MED24: variants seen among roughly 807,000 people sequenced by gnomAD.
MED24 encodes the protein mediator complex subunit 24.
In MED24, 74 loss-of-function variants were observed where a neutral mutation model predicts 118.8. The observed-to-expected ratio is 0.62, with a 90% CI of 0.52 to 0.76. The LOEUF (loss-of-function observed/expected upper bound fraction) is 0.76, where lower values mean the gene tolerates loss of function less well. Ranked by LOEUF, MED24 falls within the 30% of genes least tolerant of loss-of-function variation. MED24 has a pLI of 0.00. For synonymous variants in MED24, 521 were observed against 523.9 expected, an observed-to-expected ratio of 0.99 and a Z score of 0.08; for missense variants, 1,041 against 1,278.9, an observed-to-expected ratio of 0.81 and a Z score of 2.84.
chr17:40,035,909 C>T (rs1983882406), intron 4 of MED24, 114 bp from the exon 5 acceptor site: 2 of 1,154,592 alleles, frequency 1.7e-6, no homozygotes, highest in African/African-American at 1.5e-5. Flanking sequence ...CCCTGGGTTC[C>T]AGACTCAGCA....
At position 40,019,945 on chromosome 17, in the gene MED24, G is replaced by C. The variant is rs189752671; in HGVS notation, c.2705-12C>G. 17 of 1,559,098 alleles carry C rather than the reference G, an allele frequency of 1.1e-5. No individual in the cohort carries two copies. The highest frequency in any genetic ancestry group is 4.7e-5 in the South Asian group (4 of 84,654). The stretch of plus-strand genomic sequence containing the variant: ...CAGGAACAGGTTGGCTGTAGAGAGT[G>C]GGGGGAGAGTGACAGGAGGGAGTTC... On this transcript the variant is annotated splice_polypyrimidine_tract_variant and intron_variant, in intron 24 of 25. Coordinates refer to ENST00000394128, the MANE Select transcript of MED24 (RefSeq NM_014815.4).
chr17:40,022,564 CCA>C (rs1982160844), intron 21 of MED24, 79 bp downstream of exon 21: 1 of 1,599,732 alleles, frequency 6.3e-7, no homozygotes, highest in African/African-American at 1.3e-5. Context: ...TCCCCAAAGC[CCA>C]GTCTCCCAGG....
chr17:40,028,020 G>A, intron 14 of MED24, 74 bp from the exon 15 acceptor site: 1 of 1,446,826 alleles, frequency 6.9e-7, no homozygotes, highest in Non-Finnish European at 9.7e-7. Flanking sequence ...GGCTACACAT[G>A]TTCAGAGAGC....
chr17:40,033,511 C>A lies in MED24; in HGVS notation c.560-55G>T. 6.9e-7 allele frequency: 1 copy of A among 1,456,434 alleles called. No homozygotes were observed. Among genetic ancestry groups the A allele is most frequent in the East Asian group, 2.5e-5 (1 of 40,544 alleles). 90.2% of individuals were successfully genotyped at this position (1,456,434 alleles called of 1,614,324 possible). A position where few individuals can be genotyped will look rare whatever the true frequency, so the allele number is the denominator to read the frequency against. ...GATGGGAAACAGGAGAGAAGGAGCA[C>A]CTGGCCCTGAACTCCTCGATTTTGG... On this transcript the variant is annotated intron_variant, in intron 6 of 25. Transcript: ENST00000394128. This position sits in a 1 kb window ranked among gnomAD's most constrained non-coding sequence, Gnocchi z 5.2.
intron 22 of MED24, 25 bp from the exon 23 acceptor site, chr17:40,022,079 A>G: frequency 6.5e-7 from 1 of 1,529,872 alleles, no homozygotes; most frequent in Non-Finnish European, 8.9e-7. Flanking sequence ...AGTCACTGTT[A>G]TACACCCCTA....
intron 3 of MED24, among the ~76,000 whole-genome samples, chr17:40,045,900 C>A (rs1985121522): frequency 6.6e-6 from 1 of 152,114 alleles, no homozygotes; most frequent in South Asian, 2.1e-4. Context: ...GCCTCAGCCT[C>A]CCGAGTAGCT....
chr17:40,019,950 G>GA lies in MED24; in HGVS notation c.2705-18dup. 3 of 1,557,946 alleles carry GA rather than the reference G, an allele frequency of 1.9e-6. No individual in the cohort carries two copies. Among genetic ancestry groups the GA allele is most frequent in the Admixed American group, 1.9e-5 (1 of 51,660 alleles). ...ACAGGTTGGCTGTAGAGAGTGGGGG[G>GA]AGAGTGACAGGAGGGAGTTCCATGA... On this transcript the variant is annotated splice_polypyrimidine_tract_variant and intron_variant, in intron 24 of 25. Coordinates refer to ENST00000394128, the MANE Select transcript of MED24 (RefSeq NM_014815.4).
At chr17:40,052,595 T>C (rs1226132942) in intron 3 of MED24, among the ~76,000 whole-genome samples, 2 of 152,142 alleles carry the variant, frequency 1.3e-5, no homozygotes, top group Admixed American at 1.3e-4. Flanking sequence ...TCCTCTTTTT[T>C]TCTTTTGCTT....
In MED24 at chr17:40,023,405, G is replaced by A. The variant is rs911560672; in HGVS notation, c.1986-10C>T. 13 of 1,574,558 alleles carry A rather than the reference G, an allele frequency of 8.3e-6. No individual in the cohort carries two copies. The highest frequency in any genetic ancestry group is 3.6e-5 in the South Asian group (3 of 83,924). ...GTTCATGATCACCACCCTGGGGGAGGGCCGAGAGAACCTGAGGCTCAGGTG... is the reference window on the plus strand; with the variant it reads ...GTTCATGATCACCACCCTGGGGGAGAGCCGAGAGAACCTGAGGCTCAGGTG... On this transcript the variant is annotated splice_polypyrimidine_tract_variant and intron_variant, in intron 19 of 25. Transcript: ENST00000394128.
chr17:40,039,781 A>ATTTT (rs869107070), intron 3 of MED24, among the ~76,000 whole-genome samples: 3 of 127,690 alleles, frequency 2.3e-5, no homozygotes, highest in Non-Finnish European at 5.0e-5. Context: ...ACCATGCTTA[A>ATTTT]TTTTTTTTTT....
chr17:40,028,778 G>T (rs758252282), intron 14 of MED24, 48 bp downstream of exon 14: 1 of 1,605,670 alleles, frequency 6.2e-7, no homozygotes, highest in African/African-American at 1.3e-5. Context: ...TCCTCCCAAC[G>T]CGCAGCCTCC....
intron 19 of MED24, among the ~76,000 whole-genome samples, chr17:40,025,076 C>T (rs1390206470): frequency 1.3e-5 from 2 of 152,192 alleles, no homozygotes; most frequent in Non-Finnish European, 2.9e-5. Flanking sequence ...GAAGGAATTC[C>T]TGTCACGTGC....
chr17:40,019,433 T>A lies in MED24; in HGVS notation c.*96A>T. 1.0e-6 allele frequency: 1 copy of A among 987,350 alleles called. No individual in the cohort carries two copies. The highest frequency in any genetic ancestry group is 1.4e-5 in the South Asian group (1 of 70,762). 61.2% of individuals were successfully genotyped at this position (987,350 alleles called of 1,614,324 possible). On this transcript the variant is annotated 3_prime_UTR_variant, in exon 26 of 26. Transcript: ENST00000394128. Reference sequence around the variant, plus strand: ...AGGCTCTTGCACCATGTGGAGCGGATGTGAGGCACGATGCCTCATCTTTCC... The same window carrying A: ...AGGCTCTTGCACCATGTGGAGCGGAAGTGAGGCACGATGCCTCATCTTTCC...
intron 3 of MED24, among the ~76,000 whole-genome samples, chr17:40,051,871 C>T (rs935244478): frequency 1.3e-5 from 2 of 151,990 alleles, no homozygotes; most frequent in African/African-American, 4.8e-5. Context: ...TGCAGTGAGC[C>T]GAGATCAAGC....
intron 19 of MED24, 112 bp downstream of exon 19, chr17:40,026,044 G>A: frequency 9.2e-7 from 1 of 1,084,360 alleles, no homozygotes; most frequent in Non-Finnish European, 1.3e-6. Flanking sequence ...GTGAGTGAGT[G>A]ATCAAGTAGC....
At chr17:40,034,028 T>C (rs1250104401) in intron 6 of MED24, among the ~76,000 whole-genome samples, 5 of 152,184 alleles carry the variant, frequency 3.3e-5, no homozygotes, top group South Asian at 2.1e-4. Flanking sequence ...CCGACTGGTC[T>C]AACTCACTGT....
Position 40,032,556 on chromosome 17 carries a change from G to A in MED24, c.936+93C>T, listed in dbSNP as rs955822430. ...ACCTGGCAGGCTGGGCCCAGTGCCC[G>A]CAGGGAGGAACACAGGGCAAAGGTC... On this transcript the variant is annotated intron_variant, in intron 9 of 25. Coordinates refer to ENST00000394128, the MANE Select transcript of MED24 (RefSeq NM_014815.4). 4.2e-5 allele frequency: 40 copies of A among 958,500 alleles called. No individual in the cohort carries two copies. In the East Asian group the frequency reaches 4.5e-4, roughly 11 times the overall value. 59.4% of individuals were successfully genotyped at this position (958,500 alleles called of 1,614,324 possible).
At chr17:40,031,949 C>T (rs753317493) in intron 10 of MED24, 94 bp downstream of exon 10, 4 of 1,401,758 alleles carry the variant, frequency 2.9e-6, no homozygotes, top group Non-Finnish European at 4.0e-6. Context: ...CGGCTCTCTT[C>T]CAGGCATGAG....
At chr17:40,028,118 T>G (rs1982931482) in intron 14 of MED24, 172 bp from the exon 15 acceptor site, 3 of 645,376 alleles carry the variant, frequency 4.6e-6, no homozygotes, top group Non-Finnish European at 5.2e-6. Context: ...TTTTTTGTTT[T>G]TTTTTTGTTT....
Sources: allele counts gnomAD v4.1 joint callset (sites outside exome capture counted in the v4.1 genomes callset), GRCh38; gene constraint gnomAD v4.1.1; non-coding constraint Gnocchi (gnomAD v3.1); transcripts MANE v1.5; gene names NCBI Gene and HGNC (gene_info 2026-07-23, HGNC 2026-07-21).